Variants in WWOX observed in about 807,000 individuals in gnomAD.
WWOX encodes the protein WW domain-containing oxidoreductase.
A neutral mutation model predicts 46.2 loss-of-function variants in WWOX; 69 were observed. The observed-to-expected ratio is 1.49, with a 90% CI of 1.23 to 1.82. The LOEUF (loss-of-function observed/expected upper bound fraction) is 1.82. Among genes scored for constraint, WWOX ranks in the 40% most tolerant of loss-of-function variants. The pLI, the probability that WWOX is intolerant of heterozygous loss-of-function variation, is 0.00. For synonymous variants in WWOX, 359 were observed against 202.6 expected, an observed-to-expected ratio of 1.77 and a Z score of -6.56; for missense variants, 919 against 542.6, an observed-to-expected ratio of 1.69 and a Z score of -6.89.
intron 8 of WWOX, among the ~76,000 whole-genome samples, chr16:78,793,104 ACT>A (rs1233494266): frequency 6.6e-6 from 1 of 151,922 alleles, no homozygotes. Flanking sequence ...AAAGGCTCTC[ACT>A]CTGTTGCTCA....
chr16:79,075,009 C>G (rs991163493), intron 8 of WWOX, among the ~76,000 whole-genome samples: 1 of 152,198 alleles, frequency 6.6e-6, no homozygotes, highest in African/African-American at 2.4e-5. Context: ...TTCCCTACTC[C>G]TCAGTGACCC....
At position 78,739,221 on chromosome 16, in the gene WWOX, A is replaced by G. The variant is rs532392050; in HGVS notation, c.1056+306469A>G. 2.6e-5 allele frequency among the ~76,000 whole-genome samples: 4 copies of G among 152,262 alleles called. No individual in the cohort carries two copies. In the South Asian group the frequency reaches 8.3e-4, roughly 32 times the overall value. Reference sequence around the variant, plus strand: ...ACCCGGCTAAAATTGTGTTTGCCGAATGAAAGTGTGATCCTGGAGGCCATG... The same window carrying G: ...ACCCGGCTAAAATTGTGTTTGCCGAGTGAAAGTGTGATCCTGGAGGCCATG... On this transcript the variant is annotated intron_variant, in intron 8 of 8. Transcript: ENST00000566780.
At chr16:78,340,023 G>C (rs1178226118) in intron 5 of WWOX, among the ~76,000 whole-genome samples, 1 of 47,478 alleles carries the variant, frequency 2.1e-5, no homozygotes, top group Admixed American at 2.0e-4. Flanking sequence ...TTGGTGGGGG[G>C]GGGGGGGACG....
intron 5 of WWOX, among the ~76,000 whole-genome samples, chr16:78,374,796 T>G (rs1318976735): frequency 2.0e-5 from 3 of 152,166 alleles, no homozygotes; most frequent in Admixed American, 2.0e-4. Flanking sequence ...GTGGTCCGTC[T>G]GCCTCGGCCT....
rs558970528 is a variant in WWOX at position 78,933,242 on chromosome 16, C to T, written c.1057-278366C>T. On this transcript the variant is annotated intron_variant, in intron 8 of 8. Coordinates refer to ENST00000566780, the MANE Select transcript of WWOX (RefSeq NM_016373.4). The stretch of plus-strand genomic sequence containing the variant: ...TCACCTAAGGTCAGGAGTTCGAGAC[C>T]AGCCTGACCAACTTGGCAAAACCCA... Among the ~76,000 whole-genome samples, 187 of 152,282 alleles carry T rather than the reference C, an allele frequency of 1.2e-3. 1 individual carries two copies. Among genetic ancestry groups the T allele is most frequent in the African/African-American group, 4.1e-3 (170 of 41,564 alleles).
At chr16:78,306,802 C>G (rs13339028) in intron 5 of WWOX, among the ~76,000 whole-genome samples, 17,580 of 151,802 alleles carry the variant, frequency 0.12, 1,099 homozygotes, top group East Asian at 0.15. Flanking sequence ...CCACTGAGTC[C>G]CATTCCTTCC....
intron 8 of WWOX, among the ~76,000 whole-genome samples, chr16:78,675,962 C>G (rs148484115): frequency 3.9e-5 from 6 of 151,958 alleles, no homozygotes; most frequent in Non-Finnish European, 8.8e-5. Context: ...CCACCACAAA[C>G]CATTTAAATC....
chr16:78,134,445 C>A (rs554908913), intron 4 of WWOX, among the ~76,000 whole-genome samples: 3 of 152,140 alleles, frequency 2.0e-5, no homozygotes, highest in African/African-American at 7.2e-5. Context: ...TCTTAGTTGC[C>A]TTTAGCCTTT....
Position 78,325,916 on chromosome 16 carries a change from C to T in WWOX, c.517-60944C>T, listed in dbSNP as rs147260206. ...TCAAATTAAAGGCTATGAAATGATG[C>T]CCACTGTGGATCCTGTGCCTGGTGC... On this transcript the variant is annotated intron_variant, in intron 5 of 8. Coordinates refer to ENST00000566780, the MANE Select transcript of WWOX (RefSeq NM_016373.4). 3.9e-5 allele frequency among the ~76,000 whole-genome samples: 6 copies of T among 152,350 alleles called. No homozygotes were observed. In the East Asian group the frequency reaches 1.2e-3, roughly 29 times the overall value.
At chr16:78,213,166 G>C (rs975625364) in intron 5 of WWOX, among the ~76,000 whole-genome samples, 1 of 150,038 alleles carries the variant, frequency 6.7e-6, no homozygotes, top group South Asian at 2.1e-4. Flanking sequence ...CACAAGGATT[G>C]CTTGAACCGT....
intron 8 of WWOX, among the ~76,000 whole-genome samples, chr16:78,885,914 T>A (rs2044445977): frequency 6.8e-6 from 1 of 147,168 alleles, no homozygotes; most frequent in African/African-American, 2.5e-5. Context: ...CGTACAGGGA[T>A]GGGGATGGAA....
chr16:79,211,783 G>A lies in WWOX; in HGVS notation c.1232G>A (p.Ser411Asn). 6.2e-7 allele frequency: 1 copy of A among 1,614,076 alleles called. No individual in the cohort carries two copies. The highest frequency in any genetic ancestry group is 8.5e-7 in the Non-Finnish European group (1 of 1,179,966). The change falls in exon 9 of 9, where the codon AGC becomes AAC. Residue 411 changes from serine to asparagine, a missense_variant. By Grantham distance (46) the Ser-to-Asn change is conservative. Coordinates refer to ENST00000566780, the MANE Select transcript of WWOX (RefSeq NM_016373.4). Reference protein sequence around the residue: ...SERLIQERLGSQSG With the variant: ...SERLIQERLGNQSG The stretch of plus-strand genomic sequence containing the variant: ...AGGCTGATCCAAGAACGGCTTGGCA[G>A]CCAGTCCGGCTAAGTGGAGCTCAGA...
intron 4 of WWOX, among the ~76,000 whole-genome samples, chr16:78,138,544 G>A (rs367590779): frequency 1.3e-5 from 2 of 152,184 alleles, no homozygotes; most frequent in South Asian, 2.1e-4. Flanking sequence ...AAGAATAAAT[G>A]TCTCTGGGTT....
intron 4 of WWOX, among the ~76,000 whole-genome samples, chr16:78,143,748 G>C (rs1394361252): frequency 8.4e-6 from 1 of 119,080 alleles, no homozygotes; most frequent in Non-Finnish European, 1.7e-5. Context: ...AAAAGAATTG[G>C]TATGTTTTTT....
intron 8 of WWOX, among the ~76,000 whole-genome samples, chr16:78,506,049 C>G (rs16947833): frequency 0.024 from 3,610 of 152,336 alleles, 72 homozygotes; most frequent in Middle Eastern, 0.041. Context: ...GGATCTTCTG[C>G]TGAGTATCGG....
intron 8 of WWOX, among the ~76,000 whole-genome samples, chr16:78,519,214 C>T (rs914797386): frequency 6.6e-6 from 1 of 152,120 alleles, no homozygotes; most frequent in Non-Finnish European, 1.5e-5. Context: ...CCTTACCCAG[C>T]TGTGAAGATT....
intron 8 of WWOX, among the ~76,000 whole-genome samples, chr16:78,672,773 A>G (rs1355760839): frequency 6.6e-6 from 1 of 152,236 alleles, no homozygotes; most frequent in Middle Eastern, 3.2e-3. Flanking sequence ...TGTACTGATT[A>G]TGGCCTGACA....
chr16:78,341,012 C>CGGT (rs2081002764), intron 5 of WWOX, among the ~76,000 whole-genome samples: 1 of 118,844 alleles, frequency 8.4e-6, no homozygotes, highest in Non-Finnish European at 2.0e-5. Context: ...TCTTTCAACC[C>CGGT]CATTTTCAGA....
Position 78,962,895 on chromosome 16 carries a change from C to T in WWOX, c.1057-248713C>T, listed in dbSNP as rs146303087. ...AATTCATATAAATAGTCACCCAGTA[C>T]GCATTCTTTGCTGTCTTGCTTCTTT... On this transcript the variant is annotated intron_variant, in intron 8 of 8. Transcript: ENST00000566780. 2.3e-3 allele frequency among the ~76,000 whole-genome samples: 348 copies of T among 152,310 alleles called. 2 individuals carry two copies. The highest frequency in any genetic ancestry group is 3.8e-3 in the Non-Finnish European group (261 of 68,032).
Sources: allele counts gnomAD v4.1 joint callset (sites outside exome capture counted in the v4.1 genomes callset), GRCh38; gene constraint gnomAD v4.1.1; transcripts MANE v1.5; gene names NCBI Gene and HGNC (gene_info 2026-07-23, HGNC 2026-07-21).